The following DPYD variants were observed in gnomAD, a reference collection of about 807,000 sequenced individuals.
DPYD encodes dihydropyrimidine dehydrogenase.
DPYD carries 109 observed loss-of-function variants against 116.2 expected under a neutral mutation model. That is an observed-to-expected ratio of 0.94 (90% CI 0.80 to 1.10). The LOEUF is 1.10. Among genes scored for constraint, DPYD ranks in the 50% least tolerant of loss-of-function variants. The pLI is 0.00. For synonymous variants in DPYD, 440 were observed against 432.0 expected (o/e 1.02, Z -0.23); for missense variants, 1,302 against 1,254.5 (o/e 1.04, Z -0.57).
At chr1:97,618,641 G>A (rs1036067101) in intron 8 of DPYD, among the ~76,000 whole-genome samples, 5 of 152,076 alleles carry the variant, frequency 3.3e-5, no homozygotes, top group South Asian at 2.1e-4. Context: ...AGAGTCCGGC[G>A]CCAGTCTATG....
At chr1:97,791,194 A>T (rs1244809819) in intron 3 of DPYD, among the ~76,000 whole-genome samples, 2 of 152,114 alleles carry the variant, frequency 1.3e-5, no homozygotes, top group East Asian at 3.9e-4. Context: ...ACATTGTGGG[A>T]TGTATTGTAT....
intron 20 of DPYD, among the ~76,000 whole-genome samples, chr1:97,131,679 C>A (rs1359888055): frequency 6.6e-6 from 1 of 152,070 alleles, no homozygotes; most frequent in Non-Finnish European, 1.5e-5. Flanking sequence ...ATGACCTGAT[C>A]ACATATGACT....
At chr1:97,786,073 T>TA (rs111700704) in intron 3 of DPYD, among the ~76,000 whole-genome samples, 3,068 of 132,908 alleles carry the variant, frequency 0.023, 72 homozygotes, top group African/African-American at 0.057. Flanking sequence ...TCAGCCAAAT[T>TA]AAAAAAAAAA....
At chr1:97,702,747 C>T (rs1306293446) in intron 5 of DPYD, among the ~76,000 whole-genome samples, 1 of 151,676 alleles carries the variant, frequency 6.6e-6, no homozygotes, top group East Asian at 1.9e-4. Context: ...TAATGGCATG[C>T]AAATAATAAA....
chr1:97,790,146 C>T (rs1667241538), intron 3 of DPYD, among the ~76,000 whole-genome samples: 1 of 152,102 alleles, frequency 6.6e-6, no homozygotes, highest in Non-Finnish European at 1.5e-5. Flanking sequence ...CATCTGGAAT[C>T]CCCACACTGC....
intron 8 of DPYD, among the ~76,000 whole-genome samples, chr1:97,654,108 T>C (rs533123026): frequency 1.3e-5 from 2 of 152,302 alleles, no homozygotes; most frequent in African/African-American, 4.8e-5. Flanking sequence ...ACGAGTTAAG[T>C]AAAGATGCCA....
intron 16 of DPYD, among the ~76,000 whole-genome samples, chr1:97,315,162 A>C (rs944408777): frequency 2.6e-5 from 4 of 151,994 alleles, no homozygotes; most frequent in Non-Finnish European, 5.9e-5. Context: ...CAACAGACAC[A>C]GACATGAACC....
intron 8 of DPYD, among the ~76,000 whole-genome samples, chr1:97,651,494 G>C (rs1047420841): frequency 6.6e-6 from 1 of 152,100 alleles, no homozygotes; most frequent in African/African-American, 2.4e-5. Context: ...CCGCTGCAAG[G>C]CTGCCGTTCA....
At chr1:97,357,965 A>C (rs1670507060) in intron 16 of DPYD, among the ~76,000 whole-genome samples, 1 of 152,184 alleles carries the variant, frequency 6.6e-6, no homozygotes, top group Non-Finnish European at 1.5e-5. Context: ...CAGTGGGTGC[A>C]GCCCACTGAG....
intron 20 of DPYD, among the ~76,000 whole-genome samples, chr1:97,176,404 G>C (rs1364639739): frequency 1.3e-5 from 2 of 152,068 alleles, no homozygotes; most frequent in African/African-American, 4.8e-5. Flanking sequence ...TGCTCCCCTG[G>C]TCCCCACACA....
At chr1:97,247,766 A>G (rs984962480) in intron 18 of DPYD, among the ~76,000 whole-genome samples, 3 of 152,216 alleles carry the variant, frequency 2.0e-5, no homozygotes, top group African/African-American at 7.2e-5. Context: ...TGAAATGCAC[A>G]AATTCCATGC....
intron 20 of DPYD, among the ~76,000 whole-genome samples, chr1:97,161,668 C>T (rs1655907349): frequency 6.7e-6 from 1 of 148,774 alleles, no homozygotes; most frequent in Non-Finnish European, 1.5e-5. Flanking sequence ...TGTGCTGCAC[C>T]CATTAACTTG....
chr1:97,464,185 G>T (rs1677174767), intron 13 of DPYD, among the ~76,000 whole-genome samples: 1 of 151,760 alleles, frequency 6.6e-6, no homozygotes, highest in Admixed American at 6.6e-5. Context: ...GTTGCAGTGA[G>T]CTGAGATTGC....
At chr1:97,754,071 G>A (rs928299449) in intron 3 of DPYD, among the ~76,000 whole-genome samples, 1 of 152,032 alleles carries the variant, frequency 6.6e-6, no homozygotes, top group Non-Finnish European at 1.5e-5. Context: ...TGCTGATGTT[G>A]CACATAAAGA....
intron 3 of DPYD, among the ~76,000 whole-genome samples, chr1:97,808,241 GA>G (rs907280212): frequency 6.6e-6 from 1 of 152,066 alleles, no homozygotes; most frequent in African/African-American, 2.4e-5. Context: ...TTCCTGTCCA[GA>G]AACACAAAAG....
intron 18 of DPYD, among the ~76,000 whole-genome samples, chr1:97,285,478 A>C (rs1266543610): frequency 6.6e-6 from 1 of 152,158 alleles, no homozygotes; most frequent in Non-Finnish European, 1.5e-5. Flanking sequence ...TATCCTTATA[A>C]TTGCTCTTTG....
At chr1:97,540,008 C>A (rs2102051751) in intron 12 of DPYD, among the ~76,000 whole-genome samples, 1 of 152,226 alleles carries the variant, frequency 6.6e-6, no homozygotes, top group Non-Finnish European at 1.5e-5. Flanking sequence ...CCACTAAAAT[C>A]TCACAACACG....
chr1:97,258,370 C>A (rs1180403572), intron 18 of DPYD, among the ~76,000 whole-genome samples: 2 of 152,180 alleles, frequency 1.3e-5, no homozygotes, highest in Non-Finnish European at 2.9e-5. Flanking sequence ...AAAGTACAGG[C>A]AAGTGAATAA....
At chr1:97,714,993 T>A (rs1407621178) in intron 5 of DPYD, among the ~76,000 whole-genome samples, 1 of 152,188 alleles carries the variant, frequency 6.6e-6, no homozygotes, top group African/African-American at 2.4e-5. Context: ...AGTTTCCTGT[T>A]ACTCATATGT....
Sources: gnomAD v4.1 joint callset for allele counts (sites outside exome capture counted in the v4.1 genomes callset) on GRCh38, gnomAD v4.1.1 for gene constraint, MANE v1.5 for transcripts, NCBI Gene and HGNC (gene_info 2026-07-23, HGNC 2026-07-21) for gene names.